Variants in PTPRD observed in about 807,000 individuals in gnomAD.
PTPRD encodes receptor-type tyrosine-protein phosphatase delta.
Under a neutral mutation model 214.5 loss-of-function variants are expected in PTPRD, and 34 were observed. The observed-to-expected ratio is 0.16, with a 90% CI of 0.12 to 0.21. The LOEUF is 0.21. Ranked by LOEUF, PTPRD falls within the 10% of genes least tolerant of loss-of-function variation. PTPRD has a pLI of 1.00. For missense variants in PTPRD, 2,545 were observed against 2,398.7 expected (o/e 1.06, Z -1.27); for synonymous variants, 1,128 against 845.7 (o/e 1.33, Z -5.79).
At chr9:9,716,446 T>C (rs1176250654) in intron 7 of PTPRD, among the ~76,000 whole-genome samples, 2 of 151,932 alleles carry the variant, frequency 1.3e-5, no homozygotes, top group African/African-American at 4.8e-5. Context: ...TCCACAAGGG[T>C]TGAACTAGTT....
intron 7 of PTPRD, among the ~76,000 whole-genome samples, chr9:9,720,441 T>C (rs1341644851): frequency 1.3e-5 from 2 of 152,190 alleles, no homozygotes; most frequent in African/African-American, 4.8e-5. Flanking sequence ...CTAGGCGTTT[T>C]ACATTCTTAT....
intron 39 of PTPRD, among the ~76,000 whole-genome samples, chr9:8,358,991 C>G (rs1203622949): frequency 2.0e-5 from 3 of 149,008 alleles, no homozygotes; most frequent in African/African-American, 7.4e-5. Context: ...GCCTGTAGTC[C>G]CAGCTACTCG....
chr9:8,963,892 G>A (rs545121534), intron 11 of PTPRD, among the ~76,000 whole-genome samples: 2 of 152,232 alleles, frequency 1.3e-5, no homozygotes, highest in South Asian at 4.1e-4. Context: ...AGGATTACAG[G>A]CATGAGCCAT....
chr9:9,164,577 G>T (rs925884206), intron 10 of PTPRD, among the ~76,000 whole-genome samples: 1 of 151,616 alleles, frequency 6.6e-6, no homozygotes, highest in East Asian at 1.9e-4. Context: ...TTAAATGTTT[G>T]TTTTTCCTAT....
At chr9:8,517,653 G>A (rs540202365) in intron 21 of PTPRD, among the ~76,000 whole-genome samples, 195 bp downstream of exon 21, 1 of 152,302 alleles carries the variant, frequency 6.6e-6, no homozygotes, top group South Asian at 2.1e-4. Context: ...TTAATGCATT[G>A]TTCTGCTCAA....
At chr9:8,628,544 C>A (rs961751408) in intron 14 of PTPRD, among the ~76,000 whole-genome samples, 1 of 150,166 alleles carries the variant, frequency 6.7e-6, no homozygotes, top group Non-Finnish European at 1.5e-5. Flanking sequence ...CAATGAATCA[C>A]GGAAAGCTGG....
intron 9 of PTPRD, among the ~76,000 whole-genome samples, chr9:9,362,382 G>A (rs1311168813): frequency 6.6e-6 from 1 of 150,702 alleles, no homozygotes; most frequent in Non-Finnish European, 1.5e-5. Context: ...CTTTGTTAAG[G>A]GAAAAAAACA....
At chr9:8,541,047 T>C (rs1413939294) in intron 14 of PTPRD, among the ~76,000 whole-genome samples, 2 of 152,122 alleles carry the variant, frequency 1.3e-5, no homozygotes, top group East Asian at 1.9e-4. Context: ...ACATATAAAA[T>C]GTTTCACTGA....
At chr9:9,330,764 G>T (rs1249146603) in intron 9 of PTPRD, among the ~76,000 whole-genome samples, 2 of 151,774 alleles carry the variant, frequency 1.3e-5, no homozygotes, top group Non-Finnish European at 2.9e-5. Context: ...TTGCTTAGGG[G>T]AATAAGTGAA....
intron 2 of PTPRD, among the ~76,000 whole-genome samples, chr9:10,600,381 C>T (rs1027504263): frequency 3.3e-5 from 5 of 151,634 alleles, no homozygotes; most frequent in Admixed American, 1.3e-4. Flanking sequence ...TTGTACAATG[C>T]GTGCCACAAG....
At chr9:9,838,378 C>A (rs557281976) in intron 5 of PTPRD, among the ~76,000 whole-genome samples, 5 of 152,068 alleles carry the variant, frequency 3.3e-5, no homozygotes, top group Admixed American at 3.3e-4. Flanking sequence ...AGTTTACAGT[C>A]CCACCAACAG....
intron 2 of PTPRD, among the ~76,000 whole-genome samples, chr9:10,461,684 A>G (rs1268881427): frequency 6.7e-6 from 1 of 148,592 alleles, no homozygotes; most frequent in Non-Finnish European, 1.5e-5. Flanking sequence ...GTGCAGTGGC[A>G]CGATATCAGC....
At chr9:9,411,520 A>G (rs2075425608) in intron 8 of PTPRD, among the ~76,000 whole-genome samples, 1 of 152,198 alleles carries the variant, frequency 6.6e-6, no homozygotes. Context: ...TGGATGTAAT[A>G]CAATGCCACT....
intron 8 of PTPRD, among the ~76,000 whole-genome samples, chr9:9,555,816 AT>A (rs960658930): frequency 3.7e-4 from 57 of 152,294 alleles, no homozygotes; most frequent in African/African-American, 1.2e-3. Flanking sequence ...AAGAGATTAA[AT>A]TTTTTAATGC....
rs572733241 is a variant in PTPRD at position 9,197,628 on chromosome 9, C to T, written c.-202-14265G>A. 2.0e-4 allele frequency among the ~76,000 whole-genome samples: 31 copies of T among 152,222 alleles called. No individual in the cohort carries two copies. In the East Asian group the frequency reaches 6.0e-3, roughly 29 times the overall value. ...GTTTCACCATGTTGGCCAGGCTGGTCTCGAACTCCTGACCTCAGGTGATCT... is the reference window on the plus strand; with the variant it reads ...GTTTCACCATGTTGGCCAGGCTGGTTTCGAACTCCTGACCTCAGGTGATCT... On this transcript the variant is annotated intron_variant, in intron 9 of 45. Coordinates refer to ENST00000381196, the MANE Select transcript of PTPRD (RefSeq NM_002839.4).
intron 4 of PTPRD, among the ~76,000 whole-genome samples, chr9:10,031,242 T>C (rs1455034217): frequency 6.6e-6 from 1 of 152,068 alleles, no homozygotes; most frequent in Non-Finnish European, 1.5e-5. Flanking sequence ...AACGCCATAA[T>C]CAATACTTTA....
intron 5 of PTPRD, among the ~76,000 whole-genome samples, chr9:9,772,732 G>C (rs896030180): frequency 7.0e-6 from 1 of 142,584 alleles, no homozygotes; most frequent in East Asian, 4.4e-4. Flanking sequence ...ACATTGTTTT[G>C]ATAGTAATGA....
At chr9:9,434,498 T>C (rs1433676445) in intron 8 of PTPRD, among the ~76,000 whole-genome samples, 2 of 152,126 alleles carry the variant, frequency 1.3e-5, no homozygotes, top group Non-Finnish European at 2.9e-5. Context: ...AATACCAACT[T>C]CTTCACAGAA....
chr9:9,925,352 T>G (rs943692677), intron 5 of PTPRD, among the ~76,000 whole-genome samples: 1 of 152,046 alleles, frequency 6.6e-6, no homozygotes, highest in African/African-American at 2.4e-5. Context: ...ATAGTCAAAG[T>G]TGAGTTTTTA....
Sources: allele counts gnomAD v4.1 joint callset (sites outside exome capture counted in the v4.1 genomes callset), GRCh38; gene constraint gnomAD v4.1.1; transcripts MANE v1.5; gene names NCBI Gene and HGNC (gene_info 2026-07-23, HGNC 2026-07-21).